The following TCF4 variants were observed in gnomAD, a reference collection of about 807,000 sequenced individuals.
TCF4 encodes SL3-3 enhancer factor 2.
In TCF4, 3 loss-of-function variants were observed where a neutral mutation model predicts 82.1. That is an observed-to-expected ratio of 0.04 (90% confidence interval 0.02 to 0.09). The LOEUF is 0.09. TCF4 is among the 10% of genes least tolerant of loss of function. The probability of loss-of-function intolerance (pLI) is 1.00; values close to 1 mark genes in which losing one functional copy is unlikely to be tolerated. For missense variants in TCF4, 518 were observed against 852.7 expected, an observed-to-expected ratio of 0.61 and a Z score of 4.89; for synonymous variants, 276 against 309.6, an observed-to-expected ratio of 0.89 and a Z score of 1.14.
intron 6 of TCF4, among the ~76,000 whole-genome samples, chr18:55,390,400 T>A (rs921120545): frequency 6.6e-6 from 1 of 151,886 alleles, no homozygotes; most frequent in Non-Finnish European, 1.5e-5. Context: ...CATGTGAGGA[T>A]CTTCAGTGGG....
chr18:55,245,764 G>C (rs939386007), intron 15 of TCF4, among the ~76,000 whole-genome samples: 1 of 152,088 alleles, frequency 6.6e-6, no homozygotes, highest in Admixed American at 6.5e-5. Flanking sequence ...TCTTCTCCGG[G>C]AAGCTTTTCC....
At chr18:55,255,264 G>A (rs1407709675) in intron 14 of TCF4, among the ~76,000 whole-genome samples, 1 of 152,088 alleles carries the variant, frequency 6.6e-6, no homozygotes, top group East Asian at 1.9e-4. Context: ...CAAAACCAGT[G>A]GGTGTGTGGT....
upstream of TCF4, among the ~76,000 whole-genome samples, chr18:55,590,468 C>A (rs992791105): frequency 5.3e-5 from 8 of 152,222 alleles, no homozygotes; most frequent in African/African-American, 1.9e-4. Context: ...GTGCCATAAG[C>A]CACGACTGAC....
chr18:55,364,663 T>C (rs77355441), intron 6 of TCF4, among the ~76,000 whole-genome samples: 4,017 of 152,332 alleles, frequency 0.026, 91 homozygotes, highest in Non-Finnish European at 0.033. Context: ...ATTATATCTG[T>C]GCATGCACAC....
At chr18:55,362,427 AAGGAAGG>A (rs1490782406) in intron 6 of TCF4, among the ~76,000 whole-genome samples, 18 of 139,650 alleles carry the variant, frequency 1.3e-4, no homozygotes, top group African/African-American at 4.5e-4. Flanking sequence ...GGAAGGAAGG[AAGGAAGG>A]AAAAAAAAAA....
At chr18:55,582,489 C>T (rs2097585079) in intron 3 of TCF4, among the ~76,000 whole-genome samples, 1 of 152,112 alleles carries the variant, frequency 6.6e-6, no homozygotes, top group Non-Finnish European at 1.5e-5. Context: ...CCTGGGTTGA[C>T]AAAAGCCTTT....
chr18:55,622,620 A>T (rs1194046607), intron 2 of TCF4, among the ~76,000 whole-genome samples: 2 of 152,036 alleles, frequency 1.3e-5, no homozygotes, highest in East Asian at 3.8e-4. Flanking sequence ...ATCTTATCTA[A>T]TTCCTGCTTT....
chr18:55,474,813 C>G (rs1470851839), intron 3 of TCF4, among the ~76,000 whole-genome samples: 5 of 151,966 alleles, frequency 3.3e-5, no homozygotes, highest in African/African-American at 1.2e-4. Context: ...CTCGTTCTGT[C>G]ACACAGGCTG....
At chr18:55,535,176 AAC>A (rs1226148938) in intron 3 of TCF4, among the ~76,000 whole-genome samples, 1 of 152,222 alleles carries the variant, frequency 6.6e-6, no homozygotes, top group Non-Finnish European at 1.5e-5. Flanking sequence ...GTCAGCTAAG[AAC>A]AGTCTTAAAT....
chr18:55,417,989 A>C (rs924923026), intron 5 of TCF4, among the ~76,000 whole-genome samples: 1 of 140,864 alleles, frequency 7.1e-6, no homozygotes, highest in African/African-American at 2.7e-5. Flanking sequence ...CCTGAGGATG[A>C]TTTTCTTGAG....
intron 5 of TCF4, among the ~76,000 whole-genome samples, chr18:55,451,392 G>A (rs560787266): frequency 1.3e-5 from 2 of 152,248 alleles, no homozygotes; most frequent in African/African-American, 2.4e-5. Flanking sequence ...ACCAGAAAAC[G>A]GGGGCTCTGA....
intron 6 of TCF4, among the ~76,000 whole-genome samples, chr18:55,366,663 T>C (rs2087226811): frequency 6.6e-6 from 1 of 152,214 alleles, no homozygotes; most frequent in South Asian, 2.1e-4. Flanking sequence ...TCAATTCCCT[T>C]AGAATATTTG....
intron 5 of TCF4, among the ~76,000 whole-genome samples, chr18:55,440,442 T>C (rs962217419): frequency 6.6e-6 from 1 of 152,212 alleles, no homozygotes; most frequent in East Asian, 1.9e-4. Context: ...CATTCTCCCC[T>C]GGGAAATTTG....
At chr18:55,395,469 A>G (rs928708919) in intron 6 of TCF4, among the ~76,000 whole-genome samples, 1 of 152,222 alleles carries the variant, frequency 6.6e-6, no homozygotes, top group African/African-American at 2.4e-5. Context: ...TCGGTGTCTC[A>G]TAAATCATCT....
chr18:55,429,186 G>GA (rs1569463013), intron 5 of TCF4, among the ~76,000 whole-genome samples: 1 of 152,140 alleles, frequency 6.6e-6, no homozygotes, highest in Admixed American at 6.5e-5. Flanking sequence ...TGTCTAAAGT[G>GA]AAAAAAACCT....
intron 5 of TCF4, among the ~76,000 whole-genome samples, chr18:55,435,246 T>C (rs2095304899): frequency 6.6e-6 from 1 of 152,222 alleles, no homozygotes; most frequent in Non-Finnish European, 1.5e-5. Flanking sequence ...CCTTCAACTT[T>C]ACCTGTAAAT....
intron 5 of TCF4, among the ~76,000 whole-genome samples, chr18:55,405,309 AT>A (rs2094031268): frequency 6.6e-6 from 1 of 152,216 alleles, no homozygotes; most frequent in South Asian, 2.1e-4. Flanking sequence ...TTGATGTAAT[AT>A]TCACTTGTTT....
chr18:55,476,578 C>T (rs1032682678), intron 3 of TCF4, among the ~76,000 whole-genome samples: 7 of 151,902 alleles, frequency 4.6e-5, no homozygotes, highest in African/African-American at 1.7e-4. Flanking sequence ...CAGACTCAAG[C>T]AATCCTCCCA....
At chr18:55,622,645 T>A (rs1219801643) in intron 2 of TCF4, among the ~76,000 whole-genome samples, 3 of 152,070 alleles carry the variant, frequency 2.0e-5, no homozygotes, top group Non-Finnish European at 2.9e-5. Context: ...GAAATTGCAA[T>A]TTAGAGAAAG....
Sources: allele counts gnomAD v4.1 joint callset (sites outside exome capture counted in the v4.1 genomes callset), GRCh38; gene constraint gnomAD v4.1.1; transcripts MANE v1.5; gene names NCBI Gene and HGNC (gene_info 2026-07-23, HGNC 2026-07-21).